The following PICALM variants were observed in gnomAD, a reference collection of about 807,000 sequenced individuals.
The protein encoded by PICALM is phosphatidylinositol-binding clathrin assembly protein.
Under a neutral mutation model 80.5 loss-of-function variants are expected in PICALM, and 40 were observed. The ratio of observed to expected loss-of-function variants is 0.50; its 90% CI spans 0.39 to 0.65. The LOEUF (loss-of-function observed/expected upper bound fraction) is 0.65, where lower values mean the gene tolerates loss of function less well. PICALM is among the 30% of genes least tolerant of loss of function. The pLI, the probability that PICALM is intolerant of heterozygous loss-of-function variation, is 0.00. For missense variants in PICALM, 676 were observed against 778.9 expected (o/e 0.87, Z 1.57); for synonymous variants, 288 against 260.3 (o/e 1.11, Z -1.02).
At chr11:85,975,195 T>C (rs28365806) in intron 18 of PICALM, among the ~76,000 whole-genome samples, 14,975 of 152,198 alleles carry the variant, frequency 0.098, 932 homozygotes, top group Admixed American at 0.14. Context: ...CAAAGTAAAT[T>C]TGTATAACAA....
intron 1 of PICALM, among the ~76,000 whole-genome samples, chr11:86,067,200 G>A (rs764982051): frequency 9.2e-5 from 14 of 152,042 alleles, no homozygotes; most frequent in African/African-American, 2.7e-4. Context: ...CAAACTTTAC[G>A]GCCAAAGTCC....
intron 3 of PICALM, among the ~76,000 whole-genome samples, chr11:86,023,899 G>A (rs2095606505): frequency 1.3e-5 from 2 of 152,126 alleles, no homozygotes; most frequent in African/African-American, 4.8e-5. Flanking sequence ...AGGCTTAGGA[G>A]GATCGCTTTA....
chr11:85,998,720 G>C (rs145164542), intron 11 of PICALM, among the ~76,000 whole-genome samples: 4,442 of 152,294 alleles, frequency 0.029, 224 homozygotes, highest in African/African-American at 0.1. Context: ...TGAGGCTGCA[G>C]TGAGCCATGG....
intron 8 of PICALM, among the ~76,000 whole-genome samples, chr11:86,005,221 T>C (rs896611976): frequency 6.6e-6 from 1 of 152,214 alleles, no homozygotes; most frequent in Non-Finnish European, 1.5e-5. Context: ...TTAACTACTA[T>C]GGTACCAAAT....
intron 7 of PICALM, among the ~76,000 whole-genome samples, chr11:86,010,416 T>C: frequency 6.6e-6 from 1 of 151,438 alleles, no homozygotes; most frequent in Non-Finnish European, 1.5e-5. Flanking sequence ...AACCTCCGCC[T>C]CCTGGGCTCA....
At chr11:86,041,668 A>T (rs181780319) in intron 1 of PICALM, among the ~76,000 whole-genome samples, 13 of 152,220 alleles carry the variant, frequency 8.5e-5, no homozygotes, top group Non-Finnish European at 1.5e-4. Flanking sequence ...CGAACTGTTC[A>T]AACTTTAATT....
chr11:85,965,523 T>C (rs17744938), intron 19 of PICALM, among the ~76,000 whole-genome samples: 224 of 152,192 alleles, frequency 1.5e-3, no homozygotes, highest in Non-Finnish European at 2.5e-3. Context: ...TAGTGGTACG[T>C]TGAATCCAGT....
chr11:86,034,676 C>T (rs1025320165), intron 1 of PICALM, among the ~76,000 whole-genome samples: 1 of 151,700 alleles, frequency 6.6e-6, no homozygotes, highest in Non-Finnish European at 1.5e-5. Flanking sequence ...AAAACAAGTA[C>T]CACATGGCAC....
chr11:86,067,052 T>C (rs1020537853), intron 1 of PICALM, among the ~76,000 whole-genome samples: 7 of 152,262 alleles, frequency 4.6e-5, no homozygotes, highest in African/African-American at 1.7e-4. Context: ...TAATGCTTTT[T>C]TATTTAAAAC....
At chr11:85,978,958 C>T (rs78436480) in intron 17 of PICALM, among the ~76,000 whole-genome samples, 1,899 of 152,206 alleles carry the variant, frequency 0.012, 45 homozygotes, top group African/African-American at 0.044. Flanking sequence ...ACTCTAAACT[C>T]CTACCATACC....
chr11:86,024,817 T>C (rs1379838539), intron 3 of PICALM, among the ~76,000 whole-genome samples: 2 of 152,234 alleles, frequency 1.3e-5, no homozygotes, highest in African/African-American at 2.4e-5. Context: ...TACATCTGTG[T>C]ATCTGTCCTT....
At chr11:86,055,329 A>T (rs2096253014) in intron 1 of PICALM, among the ~76,000 whole-genome samples, 1 of 147,294 alleles carries the variant, frequency 6.8e-6, no homozygotes. Flanking sequence ...CTCCGTCTCA[A>T]AAAAAAAAAA....
chr11:86,054,335 A>T (rs546245273), intron 1 of PICALM, among the ~76,000 whole-genome samples: 10 of 152,326 alleles, frequency 6.6e-5, no homozygotes, highest in Non-Finnish European at 1.3e-4. Context: ...TGGTATCTAA[A>T]GCTAGGGAAG....
intron 19 of PICALM, among the ~76,000 whole-genome samples, chr11:85,972,640 G>A (rs1216473018): frequency 6.6e-6 from 1 of 152,060 alleles, no homozygotes; most frequent in Admixed American, 6.6e-5. Flanking sequence ...TACATATCAG[G>A]AAAAACACTT....
intron 5 of PICALM, among the ~76,000 whole-genome samples, chr11:86,014,298 T>C (rs942675070): frequency 2.0e-5 from 3 of 152,118 alleles, no homozygotes; most frequent in Non-Finnish European, 2.9e-5. Context: ...AAACAAAACA[T>C]TGTTAAGATA....
intron 1 of PICALM, among the ~76,000 whole-genome samples, chr11:86,050,203 T>TGAAAAAA (rs1350019382): frequency 2.1e-5 from 1 of 47,788 alleles, no homozygotes; most frequent in African/African-American, 9.2e-5. Flanking sequence ...AGACTCTGTC[T>TGAAAAAA]CAAAAAAAAA....
rs1231416995 is a variant in PICALM at position 86,060,556 on chromosome 11, T to A, written c.130+8095A>T. Among the ~76,000 whole-genome samples the A allele has an allele frequency of 2.0e-5, 3 of 151,886 alleles. No individual in the cohort carries two copies. The East Asian group carries it at 5.8e-4, about 29-fold the overall frequency. ...AAAGAATAAAAATAGAAAAGGCAAATAATGTCTTAGTATATGAAAACAGTT... is the reference window on the plus strand; with the variant it reads ...AAAGAATAAAAATAGAAAAGGCAAAAAATGTCTTAGTATATGAAAACAGTT... On this transcript the variant is annotated intron_variant, in intron 1 of 19. Transcript: ENST00000393346.
Position 85,981,839 on chromosome 11 carries a change from A to T in PICALM, c.1648+33T>A, listed in dbSNP as rs376324400. On this transcript the variant is annotated intron_variant, in intron 15 of 19. Coordinates refer to ENST00000393346, the MANE Select transcript of PICALM (RefSeq NM_007166.4). ...GAGACGCAGTTTAATAAAACAACAT[A>T]AAAGAAGATTAACGTATCCAAAGAC... 8.1e-6 allele frequency: 13 copies of T among 1,612,400 alleles called. No individual in the cohort carries two copies. The African/African-American group carries it at 1.7e-4, about 22-fold the overall frequency.
chr11:86,056,143 A>AAAAAAG lies in PICALM; in HGVS notation c.130+12507_130+12508insCTTTTT, dbSNP rs1555149115. On this transcript the variant is annotated intron_variant, in intron 1 of 19. Coordinates refer to ENST00000393346, the MANE Select transcript of PICALM (RefSeq NM_007166.4). ...GAACAAGACTCTGTCTTTAAAAAAAAAAAAAAAGAAAAAACCCTTGAAAAA... is the reference window on the plus strand; with the variant it reads ...GAACAAGACTCTGTCTTTAAAAAAAAAAAAAGAAAAAAAGAAAAAACCCTTGAAAAA... 1.6e-4 allele frequency among the ~76,000 whole-genome samples: 23 copies of AAAAAAG among 143,894 alleles called. 1 individual carries two copies. The highest frequency in any genetic ancestry group is 2.7e-4 in the Non-Finnish European group (18 of 65,912). The allele number at this position is 143,894 out of a possible 152,430, so 94.4% of individuals were successfully genotyped here. A position where few individuals can be genotyped will look rare whatever the true frequency, so the allele number is the denominator to read the frequency against.
Sources: gnomAD v4.1 joint callset for allele counts (sites outside exome capture counted in the v4.1 genomes callset) on GRCh38, gnomAD v4.1.1 for gene constraint, MANE v1.5 for transcripts, NCBI Gene and HGNC (gene_info 2026-07-23, HGNC 2026-07-21) for gene names.